Variants in COL4A6 observed in about 807,000 individuals in gnomAD.
COL4A6 encodes the protein collagen type IV alpha 6 chain.
Under a neutral mutation model 126.7 loss-of-function variants are expected in COL4A6, and 59 were observed. The observed-to-expected ratio is 0.47, with a 90% CI of 0.38 to 0.58. The LOEUF (loss-of-function observed/expected upper bound fraction) is 0.58, where lower values mean the gene tolerates loss of function less well. COL4A6 is among the 20% of genes least tolerant of loss of function. The probability of loss-of-function intolerance (pLI) is 0.00; values close to 1 mark genes in which losing one functional copy is unlikely to be tolerated. For synonymous variants in COL4A6, 547 were observed against 496.6 expected (o/e 1.10, Z -1.35); for missense variants, 1,285 against 1,337.3 (o/e 0.96, Z 0.61).
chrX:108,238,618 C>A (rs2036495335), intron 3 of COL4A6, among the ~76,000 whole-genome samples: 1 of 107,738 alleles, frequency 9.3e-6, no homozygotes, highest in Non-Finnish European at 1.9e-5. Flanking sequence ...GCCTCTAATC[C>A]CTTACACAAA....
intron 2 of COL4A6, among the ~76,000 whole-genome samples, chrX:108,360,739 T>C (rs2148063603): frequency 9.1e-6 from 1 of 110,392 alleles, no homozygotes; most frequent in East Asian, 2.9e-4. Context: ...GTTTTCACTA[T>C]GTTGGCCAAG....
At position 108,157,110 on chromosome X, in the gene COL4A6, T is replaced by C; in HGVS notation, c.4963A>G (p.Thr1655Ala). ...FANKYSFWLT[T>A]VEERQQFGEL... ...CCAAACTGCTGCCTCTCCTCCACTG[T>C]GGTCAACCAGAAACTGTACTTGTTT... Residue 1655 changes from threonine to alanine, a missense_variant, in exon 45 of 45, where the codon ACA (threonine) becomes GCA (alanine). Thr to Ala is a moderately conservative substitution (Grantham distance 58, BLOSUM62 0). Transcript: ENST00000334504. 1 of 1,211,961 alleles carries C rather than the reference T, an allele frequency of 8.3e-7. No individual in the cohort carries two copies. Among genetic ancestry groups the C allele is most frequent in the South Asian group, 1.8e-5 (1 of 56,986 alleles).
chrX:108,282,019 G>A (rs1464743178), intron 3 of COL4A6, among the ~76,000 whole-genome samples: 1 of 110,940 alleles, frequency 9.0e-6, no homozygotes, highest in Admixed American at 9.6e-5. Flanking sequence ...AGACTGAAAC[G>A]TTAGACCTAA....
At chrX:108,312,587 C>T (rs769029712) in intron 2 of COL4A6, among the ~76,000 whole-genome samples, 6 of 111,932 alleles carry the variant, frequency 5.4e-5, no homozygotes, top group Non-Finnish European at 1.1e-4. Flanking sequence ...TATGCTTACA[C>T]CCTTGTCTAA....
chrX:108,315,036 T>C (rs2038849232), intron 2 of COL4A6, among the ~76,000 whole-genome samples: 2 of 112,050 alleles, frequency 1.8e-5, no homozygotes, highest in Non-Finnish European at 3.8e-5. Context: ...TTCACTTTGC[T>C]TGGTCAGGAT....
chrX:108,343,375 A>G (rs977152696), intron 2 of COL4A6, among the ~76,000 whole-genome samples: 1 of 109,911 alleles, frequency 9.1e-6, no homozygotes, highest in African/African-American at 3.3e-5. Flanking sequence ...ATAGGGCAGT[A>G]AAAAAATGAT....
At chrX:108,349,750 A>G (rs1379222300) in intron 2 of COL4A6, among the ~76,000 whole-genome samples, 1 of 111,664 alleles carries the variant, frequency 9.0e-6, no homozygotes, top group Admixed American at 9.5e-5. Context: ...CATTAGATAG[A>G]TACTATATTC....
intron 3 of COL4A6, among the ~76,000 whole-genome samples, chrX:108,240,303 T>TG (rs1249101923): frequency 8.9e-6 from 1 of 111,986 alleles, no homozygotes; most frequent in African/African-American, 3.2e-5. Flanking sequence ...TTTGTAGATT[T>TG]GGGAAAAATT....
At chrX:108,202,143 A>C (rs781007604) in intron 13 of COL4A6, among the ~76,000 whole-genome samples, 25 of 111,488 alleles carry the variant, frequency 2.2e-4, no homozygotes, top group African/African-American at 8.1e-4. Flanking sequence ...CAGCTCATAC[A>C]TCACTTCCTC....
At position 108,163,213 on chromosome X, in the gene COL4A6, C is replaced by T. The variant is rs2148059513; in HGVS notation, c.4070-175G>A. 7.3e-6 allele frequency: 3 copies of T among 409,923 alleles called. No homozygotes were observed. In the East Asian group the frequency reaches 1.4e-4, roughly 19 times the overall value. 33.8% of individuals were successfully genotyped at this position (409,923 alleles called of 1,213,427 possible). The stretch of plus-strand genomic sequence containing the variant: ...GTGATATTATACAATCTTTATCCAT[C>T]TCTCTCCCCAGTGGTTGGGTAGCTC... On this transcript the variant is annotated intron_variant, in intron 40 of 44. Transcript: ENST00000334504.
At chrX:108,421,277 C>T (rs1277932661) in intron 2 of COL4A6, among the ~76,000 whole-genome samples, 2 of 112,102 alleles carry the variant, frequency 1.8e-5, no homozygotes, top group African/African-American at 3.2e-5. Flanking sequence ...ATTTATTGAG[C>T]GCATACAACA....
At chrX:108,175,820 A>T (rs370329055) in intron 28 of COL4A6, 23 bp from the exon 29 acceptor site, 3 of 1,166,944 alleles carry the variant, frequency 2.6e-6, no homozygotes, top group Admixed American at 5.3e-5. Flanking sequence ...AAGAACTTTT[A>T]TTATCACTCC....
At chrX:108,343,368 G>A (rs1189197927) in intron 2 of COL4A6, among the ~76,000 whole-genome samples, 1 of 109,244 alleles carries the variant, frequency 9.2e-6, no homozygotes, top group Non-Finnish European at 1.9e-5. Context: ...CAATGATATA[G>A]GGCAGTAAAA....
At chrX:108,383,850 C>T in intron 2 of COL4A6, 1 of 492,627 alleles carries the variant, frequency 2.0e-6, no homozygotes, top group Non-Finnish European at 3.6e-6. Flanking sequence ...ATGCAAGTCA[C>T]ATGCATGATA....
rs774583714 is a variant in COL4A6 at position 108,211,680 on chromosome X, C to T, written c.502G>A (p.Gly168Arg). The change falls in exon 7 of 45, where the codon GGA becomes AGA. Residue 168 changes from glycine (G) to arginine (R), a missense_variant. Transcript: ENST00000334504. ...DPVLAPGSFK[G>R]MKGDPGLPGL... ...GACTTACAGGTTCTTACCTTCATTCCTTTGAAACTACCTGGAGCAAGGACA... is the reference window on the plus strand; with the variant it reads ...GACTTACAGGTTCTTACCTTCATTCTTTTGAAACTACCTGGAGCAAGGACA... The T allele has an allele frequency of 1.5e-5, 18 of 1,210,212 alleles. No homozygotes were observed. In the East Asian group the frequency reaches 5.3e-4, roughly 36 times the overall value.
chrX:108,202,886 A>G (rs773410336), intron 13 of COL4A6, 42 bp downstream of exon 13: 10 of 1,123,995 alleles, frequency 8.9e-6, no homozygotes, highest in South Asian at 7.4e-5. Context: ...CTTTTGTCCA[A>G]TCAGACCCTT....
chrX:108,249,600 A>G (rs1463792950), intron 3 of COL4A6, among the ~76,000 whole-genome samples: 3 of 111,929 alleles, frequency 2.7e-5, no homozygotes, highest in Admixed American at 9.5e-5. Context: ...AATCTCAGAT[A>G]ATGACAGCAC....
At chrX:108,382,895 C>T (rs917216738) in intron 2 of COL4A6, among the ~76,000 whole-genome samples, 15 of 106,626 alleles carry the variant, frequency 1.4e-4, no homozygotes, top group African/African-American at 4.8e-4. Context: ...TTGCGGTGAG[C>T]GGAGATCATG....
At chrX:108,238,670 G>A (rs767550943) in intron 3 of COL4A6, among the ~76,000 whole-genome samples, 22 of 108,540 alleles carry the variant, frequency 2.0e-4, no homozygotes, top group Admixed American at 7.1e-4. Context: ...AAACATCCCC[G>A]TAAGTGTCCT....
Sources: allele counts gnomAD v4.1 joint callset (sites outside exome capture counted in the v4.1 genomes callset), GRCh38; gene constraint gnomAD v4.1.1; transcripts MANE v1.5; gene names NCBI Gene and HGNC (gene_info 2026-07-23, HGNC 2026-07-21).